The following EPHA8 variants were observed in gnomAD, a reference collection of about 807,000 sequenced individuals.
EPHA8 encodes the protein EPH receptor A8.
EPHA8 carries 58 observed loss-of-function variants against 103.6 expected under a neutral mutation model. That is an observed-to-expected ratio of 0.56 (90% confidence interval 0.45 to 0.70). The LOEUF is 0.70. Among genes scored for constraint, EPHA8 ranks in the 30% least tolerant of loss-of-function variants. The pLI is 0.00. For missense variants in EPHA8, 1,304 were observed against 1,395.2 expected (o/e 0.93, Z 1.04); for synonymous variants, 559 against 572.5 (o/e 0.98, Z 0.34).
At chr1:22,578,052 T>A (rs1310607836) in intron 3 of EPHA8, among the ~76,000 whole-genome samples, 6 of 121,588 alleles carry the variant, frequency 4.9e-5, no homozygotes, top group African/African-American at 6.3e-5. Context: ...TGTGCATGTG[T>A]GTGCATGTGT....
chr1:22,579,102 TATGTGTGC>T (rs1640946434), intron 3 of EPHA8, among the ~76,000 whole-genome samples: 1 of 131,662 alleles, frequency 7.6e-6, no homozygotes, highest in African/African-American at 4.3e-5. Flanking sequence ...TGTGCATGTG[TATGTGTGC>T]ATGTGTACGT....
chr1:22,587,862 C>T (rs1268392074), intron 4 of EPHA8, among the ~76,000 whole-genome samples: 1 of 152,174 alleles, frequency 6.6e-6, no homozygotes, highest in Non-Finnish European at 1.5e-5. Context: ...CCCTCCACTG[C>T]CCTGCCCAGA....
Position 22,597,963 on chromosome 1 carries a change from C to G in EPHA8, c.2116+102C>G. On this transcript the variant is annotated intron_variant, in intron 11 of 16. Coordinates refer to ENST00000166244, the MANE Select transcript of EPHA8 (RefSeq NM_020526.5). This position sits in a 1 kb window ranked among gnomAD's most constrained non-coding sequence, Gnocchi z 4.6. The stretch of plus-strand genomic sequence containing the variant: ...CCATCCTGCTCTGCCCCACCTGACC[C>G]TGTCCTCTTGGTTCAGGTCCCTGAA... 6.7e-7 allele frequency: 1 copy of G among 1,501,110 alleles called. No individual in the cohort carries two copies. The highest frequency in any genetic ancestry group is 9.1e-7 in the Non-Finnish European group (1 of 1,098,834). 93.0% of individuals were successfully genotyped at this position (1,501,110 alleles called of 1,614,324 possible). A position where few individuals can be genotyped will look rare whatever the true frequency, so the allele number is the denominator to read the frequency against.
At position 22,601,492 on chromosome 1, in the gene EPHA8, TG is replaced by T; in HGVS notation, c.2903+23del. The T allele has an allele frequency of 6.3e-7, 1 of 1,584,734 alleles. No homozygotes were observed. On this transcript the variant is annotated intron_variant, in intron 16 of 16. Transcript: ENST00000166244. Reference sequence around the variant, plus strand: ...ACGCCCAGTGAGTGATGGGTGGGGCTGGGGCCCCATGCGTGTGGGGGCAGGG... The same window carrying T: ...ACGCCCAGTGAGTGATGGGTGGGGCTGGGCCCCATGCGTGTGGGGGCAGGG...
chr1:22,578,298 C>CTATGCCTGTGTGCATATG (rs1640837647), intron 3 of EPHA8, among the ~76,000 whole-genome samples: 1 of 131,766 alleles, frequency 7.6e-6, no homozygotes, highest in Admixed American at 7.7e-5. Context: ...GTGCATGAGT[C>CTATGCCTGTGTGCATATG]TATGCCTGTG....
At chr1:22,600,143 A>AGGGG (rs1641674362) in intron 13 of EPHA8, among the ~76,000 whole-genome samples, 1 of 82,724 alleles carries the variant, frequency 1.2e-5, no homozygotes, top group Non-Finnish European at 2.3e-5. Context: ...AGGAAGGAGG[A>AGGGG]GGGAGGGAGG....
chr1:22,585,613 A>G (rs1360196939), intron 3 of EPHA8, among the ~76,000 whole-genome samples: 1 of 152,232 alleles, frequency 6.6e-6, no homozygotes, highest in Non-Finnish European at 1.5e-5. Context: ...AGTTGTGCTC[A>G]TGAACAGTGG....
chr1:22,574,959 A>AT lies in EPHA8; in HGVS notation c.160-1249dup, dbSNP rs199633667. On this transcript the variant is annotated intron_variant, in intron 2 of 16. Transcript: ENST00000166244. ...ATCCTTGCCAACACTTATTATTATC[A>AT]TTTTTTTTTAAGAGGGAGTCTCGCT... 7.6e-3 allele frequency among the ~76,000 whole-genome samples: 1,147 copies of AT among 151,292 alleles called. 9 individuals are homozygous for AT. The highest frequency in any genetic ancestry group is 0.025 in the East Asian group (131 of 5,158).
chr1:22,602,298 G>A lies in EPHA8; in HGVS notation c.*557G>A, dbSNP rs1048038884. 7.4e-5 allele frequency: 12 copies of A among 162,614 alleles called. No homozygotes were observed. The highest frequency in any genetic ancestry group is 2.6e-4 in the Admixed American group (4 of 15,578). 10.1% of individuals were successfully genotyped at this position (162,614 alleles called of 1,614,324 possible). A position where few individuals can be genotyped will look rare whatever the true frequency, so the allele number is the denominator to read the frequency against. On this transcript the variant is annotated 3_prime_UTR_variant, in exon 17 of 17. Coordinates refer to ENST00000166244, the MANE Select transcript of EPHA8 (RefSeq NM_020526.5). ...CAGCACCCATGGGGGCGGGGGAGAGGCTCACCCCTACGTCCCCCCACACCT... is the reference window on the plus strand; with the variant it reads ...CAGCACCCATGGGGGCGGGGGAGAGACTCACCCCTACGTCCCCCCACACCT...
chr1:22,595,540 GC>G (rs1641494486), intron 8 of EPHA8, among the ~76,000 whole-genome samples: 1 of 152,164 alleles, frequency 6.6e-6, no homozygotes, highest in African/African-American at 2.4e-5. Flanking sequence ...TAGTCTTCTT[GC>G]CAGAATCACA....
Position 22,567,158 on chromosome 1 carries a change from C to T in EPHA8, c.95-2131C>T, listed in dbSNP as rs1442285417. Among the ~76,000 whole-genome samples the T allele has an allele frequency of 2.6e-5, 4 of 152,174 alleles. No individual in the cohort carries two copies. ...AAGCAGTGGACATCCACTTGAGTGG[C>T]TCCGGGATAGGGACAGGTCTGGGCT... On this transcript the variant is annotated intron_variant, in intron 1 of 16. Coordinates refer to ENST00000166244, the MANE Select transcript of EPHA8 (RefSeq NM_020526.5). The surrounding 1 kb of genome is among the most constrained non-coding windows in gnomAD (Gnocchi z 4.2).
At chr1:22,599,826 G>GT in intron 13 of EPHA8, among the ~76,000 whole-genome samples, 1 of 1,956 alleles carries the variant, frequency 5.1e-4, no homozygotes, top group Non-Finnish European at 1.4e-3. Flanking sequence ...AGAAAGGAAG[G>GT]GAGGGGAGGG....
At chr1:22,573,886 C>T (rs977487321) in intron 2 of EPHA8, among the ~76,000 whole-genome samples, 1 of 152,234 alleles carries the variant, frequency 6.6e-6, no homozygotes, top group Non-Finnish European at 1.5e-5. Flanking sequence ...TGGGAAGGGG[C>T]CTGGGAGTCT....
chr1:22,590,364 C>T (rs532850544), intron 5 of EPHA8, among the ~76,000 whole-genome samples: 4 of 152,290 alleles, frequency 2.6e-5, no homozygotes, highest in Admixed American at 2.6e-4. Flanking sequence ...CCTGCCTTCC[C>T]CTCCGGTCAC....
rs774864430 is a variant in EPHA8, at chr1:22,597,457, C to T, written c.1911C>T (p.Ile637=). 70 of 1,613,280 alleles carry T rather than the reference C, an allele frequency of 4.3e-5. No individual in the cohort carries two copies. Among genetic ancestry groups the T allele is most frequent in the Middle Eastern group, 1.7e-4 (1 of 6,060 alleles). The change falls in exon 10 of 17, where the codon ATC becomes ATT. Residue 637 remains isoleucine (I), a synonymous_variant. Coordinates refer to ENST00000166244, the MANE Select transcript of EPHA8 (RefSeq NM_020526.5). The surrounding 1 kb of genome is among the most constrained non-coding windows in gnomAD (Gnocchi z 4.6). ...TREIEASRIH[I]EKIIGSGDSG... ...AGATCGAGGCCTCTAGGATCCACAT[C>T]GAGAAAATCATCGGCTCTGGTGAGT...
At chr1:22,581,910 G>T (rs916336316) in intron 3 of EPHA8, among the ~76,000 whole-genome samples, 1 of 152,198 alleles carries the variant, frequency 6.6e-6, no homozygotes, top group Non-Finnish European at 1.5e-5. Flanking sequence ...CTTTGGCTGC[G>T]TAACCTCATT....
intron 3 of EPHA8, among the ~76,000 whole-genome samples, chr1:22,577,949 G>GTATTGTGCA: frequency 1.1e-5 from 1 of 89,144 alleles, no homozygotes; most frequent in Non-Finnish European, 2.2e-5. Flanking sequence ...ATGTGTGCGA[G>GTATTGTGCA]TGTATGCATG....
intron 2 of EPHA8, among the ~76,000 whole-genome samples, chr1:22,570,614 G>A (rs1046534803): frequency 1.0e-5 from 1 of 99,472 alleles, no homozygotes; most frequent in Non-Finnish European, 1.9e-5. Context: ...GTGATTGGAA[G>A]TGTAGACACG....
At chr1:22,572,526 C>G (rs577113819) in intron 2 of EPHA8, among the ~76,000 whole-genome samples, 1 of 152,220 alleles carries the variant, frequency 6.6e-6, no homozygotes, top group Non-Finnish European at 1.5e-5. Context: ...CATGCTGGGA[C>G]GTGCTCCGCC....
Sources: allele counts gnomAD v4.1 joint callset (sites outside exome capture counted in the v4.1 genomes callset), GRCh38; gene constraint gnomAD v4.1.1; non-coding constraint Gnocchi (gnomAD v3.1); transcripts MANE v1.5; gene names NCBI Gene and HGNC (gene_info 2026-07-23, HGNC 2026-07-21).